Variants in ARHGAP15 observed in about 807,000 individuals in gnomAD.
ARHGAP15 encodes the protein Rho GTPase activating protein 15, also known as rho GTPase-activating protein 15.
A neutral mutation model predicts 63.7 loss-of-function variants in ARHGAP15; 51 were observed. That is an observed-to-expected ratio of 0.80 (90% CI 0.64 to 1.01). ARHGAP15 has a LOEUF of 1.01. Ranked by LOEUF, ARHGAP15 falls within the 50% of genes least tolerant of loss-of-function variation. ARHGAP15 has a pLI of 0.00. For synonymous variants in ARHGAP15, 191 were observed against 193.8 expected, an observed-to-expected ratio of 0.99 and a Z score of 0.12; for missense variants, 560 against 564.6, an observed-to-expected ratio of 0.99 and a Z score of 0.08.
intron 10 of ARHGAP15, among the ~76,000 whole-genome samples, chr2:143,545,732 G>A (rs1056882161): frequency 1.1e-4 from 16 of 151,790 alleles, no homozygotes; most frequent in Non-Finnish European, 1.9e-4. Context: ...TATATAATTC[G>A]CTACATCACA....
At chr2:143,751,476 T>A (rs1396957460) in intron 13 of ARHGAP15, among the ~76,000 whole-genome samples, 1 of 152,204 alleles carries the variant, frequency 6.6e-6, no homozygotes, top group Non-Finnish European at 1.5e-5. Flanking sequence ...AGTGTGTTCT[T>A]CATGTTCATT....
intron 9 of ARHGAP15, among the ~76,000 whole-genome samples, chr2:143,495,991 C>T (rs1574530891): frequency 2.0e-5 from 3 of 152,240 alleles, no homozygotes; most frequent in Admixed American, 6.5e-5. Context: ...TGTAAATCTT[C>T]TTTTTTAAAA....
At chr2:143,751,974 G>T (rs1204641060) in intron 13 of ARHGAP15, among the ~76,000 whole-genome samples, 1 of 152,166 alleles carries the variant, frequency 6.6e-6, no homozygotes, top group Non-Finnish European at 1.5e-5. Flanking sequence ...AGAAGACAGT[G>T]ATTTGATATA....
At chr2:143,143,795 AT>A (rs1169773956) in intron 1 of ARHGAP15, among the ~76,000 whole-genome samples, 6 of 151,754 alleles carry the variant, frequency 4.0e-5, no homozygotes, top group Non-Finnish European at 5.9e-5. Context: ...TCAGGGATAT[AT>A]GTGAAGATTT....
chr2:143,601,096 C>A (rs1697751991), intron 11 of ARHGAP15, among the ~76,000 whole-genome samples: 1 of 152,028 alleles, frequency 6.6e-6, no homozygotes, highest in African/African-American at 2.4e-5. Flanking sequence ...CGGTAGAAGT[C>A]CCTAAACTGG....
chr2:143,268,064 A>G (rs1432573295), intron 6 of ARHGAP15, among the ~76,000 whole-genome samples: 1 of 152,166 alleles, frequency 6.6e-6, no homozygotes, highest in Admixed American at 6.5e-5. Context: ...TGTTACAACA[A>G]GTAAAAACTA....
intron 11 of ARHGAP15, among the ~76,000 whole-genome samples, chr2:143,592,104 T>G (rs952176816): frequency 6.6e-5 from 10 of 152,196 alleles, no homozygotes; most frequent in Non-Finnish European, 1.2e-4. Context: ...CATTCAGTAA[T>G]TCCCTCATTT....
At chr2:143,146,522 A>T (rs1056705441) in intron 1 of ARHGAP15, among the ~76,000 whole-genome samples, 2 of 152,146 alleles carry the variant, frequency 1.3e-5, no homozygotes, top group Admixed American at 1.3e-4. Context: ...TGGAGTGCTG[A>T]TAATATTGTG....
At chr2:143,132,776 T>C (rs1331492628) in intron 1 of ARHGAP15, among the ~76,000 whole-genome samples, 1 of 152,252 alleles carries the variant, frequency 6.6e-6, no homozygotes, top group Admixed American at 6.5e-5. Flanking sequence ...TGGTCACATT[T>C]TAAACAGTCA....
rs747712329 is a variant in ARHGAP15, at chr2:143,768,074, G to A, written c.1330G>A (p.Glu444Lys). 3 of 1,613,650 alleles carry A rather than the reference G, an allele frequency of 1.9e-6. No individual in the cohort carries two copies. Among genetic ancestry groups the A allele is most frequent in the Non-Finnish European group, 2.5e-6 (3 of 1,179,796 alleles). ...FGPTLLRAEN[E>K]TGNMAIHMVY... is the part of the protein sequence containing the mutation. ...ACCTACCCTTCTGCGAGCTGAAAATGAAACAGGAAACATGGCGATCCACAT... is the reference window on the plus strand; with the variant it reads ...ACCTACCCTTCTGCGAGCTGAAAATAAAACAGGAAACATGGCGATCCACAT... The change falls in exon 14 of 14, where the codon GAA becomes AAA. Residue 444 changes from glutamate to lysine, a missense_variant. Transcript: ENST00000295095.
intron 11 of ARHGAP15, among the ~76,000 whole-genome samples, chr2:143,582,236 G>C (rs992245717): frequency 6.6e-6 from 1 of 152,118 alleles, no homozygotes; most frequent in Admixed American, 6.5e-5. Context: ...TATTAGGGGG[G>C]CAGGGAAGAA....
chr2:143,264,965 GT>G (rs1680916950), intron 6 of ARHGAP15, among the ~76,000 whole-genome samples: 1 of 152,154 alleles, frequency 6.6e-6, no homozygotes, highest in South Asian at 2.1e-4. Context: ...TACTCAGATT[GT>G]TTACAGAAAT....
chr2:143,223,267 C>G (rs904184756), intron 4 of ARHGAP15, among the ~76,000 whole-genome samples: 5 of 152,210 alleles, frequency 3.3e-5, no homozygotes. Context: ...AGCCACCGCA[C>G]CTGGCCCAAC....
intron 6 of ARHGAP15, among the ~76,000 whole-genome samples, chr2:143,307,911 GT>G (rs1257520367): frequency 6.6e-6 from 1 of 151,976 alleles, no homozygotes; most frequent in East Asian, 1.9e-4. Context: ...TCTTATATTT[GT>G]TGAAAAGCCT....
chr2:143,329,785 C>A (rs1574284815), intron 6 of ARHGAP15, among the ~76,000 whole-genome samples: 3 of 151,732 alleles, frequency 2.0e-5, no homozygotes, highest in Admixed American at 6.6e-5. Context: ...TACACACCCC[C>A]CTCCGTAGTT....
At chr2:143,737,456 T>C (rs996205420) in intron 13 of ARHGAP15, among the ~76,000 whole-genome samples, 1 of 152,210 alleles carries the variant, frequency 6.6e-6, no homozygotes. Flanking sequence ...AAACTGAAAA[T>C]GTAGAACATG....
intron 6 of ARHGAP15, among the ~76,000 whole-genome samples, chr2:143,434,063 G>A (rs1350737662): frequency 6.6e-6 from 1 of 152,054 alleles, no homozygotes; most frequent in South Asian, 2.1e-4. Context: ...CATCACCTGA[G>A]CTGTCTTTTA....
At chr2:143,712,370 A>G (rs572957117) in intron 13 of ARHGAP15, among the ~76,000 whole-genome samples, 1 of 152,344 alleles carries the variant, frequency 6.6e-6, no homozygotes, top group Non-Finnish European at 1.5e-5. Context: ...TGACTTGCTC[A>G]TTGTTATATT....
chr2:143,606,266 T>G (rs1698025833), intron 11 of ARHGAP15, among the ~76,000 whole-genome samples: 1 of 152,190 alleles, frequency 6.6e-6, no homozygotes, highest in Non-Finnish European at 1.5e-5. Context: ...TTGGCTCTCC[T>G]ATTCACAAAT....
Sources: allele counts gnomAD v4.1 joint callset (sites outside exome capture counted in the v4.1 genomes callset), GRCh38; gene constraint gnomAD v4.1.1; transcripts MANE v1.5; gene names NCBI Gene and HGNC (gene_info 2026-07-23, HGNC 2026-07-21).